The following AFF4 variants were observed in gnomAD, a reference collection of about 807,000 sequenced individuals.
AFF4 encodes ALF transcription elongation factor 4.
In AFF4, 13 loss-of-function variants were observed where a neutral mutation model predicts 124.8. That is an observed-to-expected ratio of 0.10 (90% confidence interval 0.07 to 0.17). The LOEUF is 0.17. Ranked by LOEUF, AFF4 falls within the 10% of genes least tolerant of loss-of-function variation. AFF4 has a pLI of 1.00. For missense variants in AFF4, 1,092 were observed against 1,403.8 expected (o/e 0.78, Z 3.55); for synonymous variants, 477 against 496.1 (o/e 0.96, Z 0.51).
At chr5:132,928,761 G>T (rs1454071833) in intron 4 of AFF4, among the ~76,000 whole-genome samples, 2 of 152,154 alleles carry the variant, frequency 1.3e-5, no homozygotes, top group South Asian at 2.1e-4. Context: ...ATCAGTCTAC[G>T]TCCTAGTTAA....
At chr5:132,899,554 G>A in intron 8 of AFF4, 33 bp downstream of exon 8, 2 of 1,572,132 alleles carry the variant, frequency 1.3e-6, no homozygotes, top group South Asian at 1.2e-5. Context: ...AATACTATAT[G>A]AGACTGGCAA....
intron 5 of AFF4, among the ~76,000 whole-genome samples, chr5:132,921,126 C>CA (rs57115662): frequency 0.016 from 1,371 of 87,572 alleles, 20 homozygotes; most frequent in African/African-American, 0.052. Flanking sequence ...GACTCTGTCA[C>CA]AAAAAAAAAA....
chr5:132,927,517 G>A (rs1468316905), intron 4 of AFF4: 1 of 272,044 alleles, frequency 3.7e-6, no homozygotes, highest in Non-Finnish European at 6.9e-6. Context: ...GAGCTTGCTA[G>A]GAGAGTGGGA....
intron 5 of AFF4, among the ~76,000 whole-genome samples, chr5:132,912,545 G>C (rs1287965496): frequency 6.6e-6 from 1 of 151,892 alleles, no homozygotes; most frequent in East Asian, 1.9e-4. Flanking sequence ...ATTTTTTGTA[G>C]AGACAGGGTC....
At chr5:132,892,802 C>T (rs1760296319) in intron 12 of AFF4, among the ~76,000 whole-genome samples, 1 of 152,098 alleles carries the variant, frequency 6.6e-6, no homozygotes, top group Admixed American at 6.6e-5. Context: ...CATACTCACC[C>T]CTACCCCAAT....
At chr5:132,928,469 C>T (rs912621097) in intron 4 of AFF4, among the ~76,000 whole-genome samples, 2 of 152,138 alleles carry the variant, frequency 1.3e-5, no homozygotes, top group African/African-American at 4.8e-5. Flanking sequence ...ATTTCAAAAA[C>T]AATTATGTAA....
intron 5 of AFF4, among the ~76,000 whole-genome samples, chr5:132,925,440 GAT>G (rs1489246813): frequency 6.6e-6 from 1 of 151,852 alleles, no homozygotes; most frequent in Admixed American, 6.6e-5. Context: ...GGAAGAGAAA[GAT>G]ATATTTTATT....
chr5:132,899,873 A>T (rs1419414896), intron 7 of AFF4, among the ~76,000 whole-genome samples: 1 of 152,208 alleles, frequency 6.6e-6, no homozygotes, highest in Non-Finnish European at 1.5e-5. Context: ...TAAAATATTC[A>T]CCTTTTCTAA....
At chr5:132,943,671 TG>T in intron 1 of AFF4, 1 of 238,466 alleles carries the variant, frequency 4.2e-6, no homozygotes, top group Non-Finnish European at 9.2e-6. Flanking sequence ...CTGGGAACAA[TG>T]GGGGCTTCAA....
At position 132,963,586 on chromosome 5, in the gene AFF4, T is replaced by G; in HGVS notation, c.-332A>C. 2.5e-6 allele frequency: 1 copy of G among 397,544 alleles called. No individual in the cohort carries two copies. Among genetic ancestry groups the G allele is most frequent in the East Asian group, 3.6e-5 (1 of 28,008 alleles). 24.6% of individuals were successfully genotyped at this position (397,544 alleles called of 1,614,324 possible). On this transcript the variant is annotated 5_prime_UTR_variant, in exon 1 of 21. Transcript: ENST00000265343. The stretch of plus-strand genomic sequence containing the variant: ...GCACCAGGATCCCCGCCCCGTCCGC[T>G]GGCGGCGGCGACGGCAGCTGGACTC...
chr5:132,941,251 T>C (rs952465396), intron 1 of AFF4, among the ~76,000 whole-genome samples: 2 of 152,182 alleles, frequency 1.3e-5, no homozygotes, highest in Non-Finnish European at 2.9e-5. Flanking sequence ...AATGAGTCAA[T>C]CTGAAGTATA....
intron 1 of AFF4, among the ~76,000 whole-genome samples, chr5:132,959,757 C>CTTTT (rs1163731664): frequency 0.021 from 1,524 of 71,500 alleles, 103 homozygotes; most frequent in African/African-American, 0.047. Flanking sequence ...GAGTGCTTTT[C>CTTTT]TTTTTTTTTT....
Position 132,955,777 on chromosome 5 carries a change from C to CAAAA in AFF4, c.-5+7478_-5+7481dup, listed in dbSNP as rs1214913729. On this transcript the variant is annotated intron_variant, in intron 1 of 20. Transcript: ENST00000265343. ...TGGGTGATAGAGTGAGATTCCATCTCAAAAAAAAAAAAAAAAAAATATATA... is the reference window on the plus strand; with the variant it reads ...TGGGTGATAGAGTGAGATTCCATCTCAAAAAAAAAAAAAAAAAAAAAAATATATA... Among the ~76,000 whole-genome samples the CAAAA allele has an allele frequency of 1.4e-3, 99 of 71,194 alleles. 2 individuals carry two copies. The highest frequency in any genetic ancestry group is 4.6e-3 in the African/African-American group (82 of 17,786). The allele number at this position is 71,194 out of a possible 152,430, so 46.7% of individuals were successfully genotyped here. A position where few individuals can be genotyped will look rare whatever the true frequency, so the allele number is the denominator to read the frequency against.
At chr5:132,891,861 A>G (rs185085096) in intron 13 of AFF4, 199 of 470,332 alleles carry the variant, frequency 4.2e-4, no homozygotes, top group Non-Finnish European at 6.3e-4. Context: ...CACATTGCCC[A>G]GGCTGGACTC....
intron 4 of AFF4, among the ~76,000 whole-genome samples, chr5:132,928,921 A>G (rs1761240781): frequency 6.6e-6 from 1 of 152,182 alleles, no homozygotes; most frequent in Non-Finnish European, 1.5e-5. Flanking sequence ...ACTTCCTGAA[A>G]TAATATTATG....
rs1760787640 is a variant in AFF4 at position 132,911,365 on chromosome 5, G to C, written c.1051-6961C>G. 2.0e-5 allele frequency among the ~76,000 whole-genome samples: 3 copies of C among 152,032 alleles called. No individual in the cohort carries two copies. In the South Asian group the frequency reaches 6.2e-4, roughly 32 times the overall value. On this transcript the variant is annotated intron_variant, in intron 5 of 20. Coordinates refer to ENST00000265343, the MANE Select transcript of AFF4 (RefSeq NM_014423.4). ...TCTCATGCCAGGAACATAGTAAGAA[G>C]TTAATAAATATCTGTTTAATTAATA... is the stretch of plus-strand genomic sequence containing the variant.
At chr5:132,927,349 A>G (rs1761195387) in intron 4 of AFF4, 142 bp from the exon 5 acceptor site, 2 of 678,012 alleles carry the variant, frequency 2.9e-6, no homozygotes, top group East Asian at 5.7e-5. Flanking sequence ...AATATTAAGC[A>G]CAATTGTGTG....
intron 13 of AFF4, 73 bp from the exon 14 acceptor site, chr5:132,889,246 G>T: frequency 1.9e-6 from 2 of 1,070,386 alleles, no homozygotes; most frequent in Non-Finnish European, 2.7e-6. Context: ...CATTTCTTCA[G>T]CCACTGGTAA....
Position 132,892,270 on chromosome 5 carries a change from C to T in AFF4, c.2531G>A (p.Ser844Asn), listed in dbSNP as rs1387186624. 2 of 1,614,096 alleles carry T rather than the reference C, an allele frequency of 1.2e-6. No homozygotes were observed. The highest frequency in any genetic ancestry group is 8.5e-7 in the Non-Finnish European group (1 of 1,180,034). Residue 844 changes from serine to asparagine, a missense_variant, in exon 13 of 21, where the codon AGC (serine) becomes AAC (asparagine). Physicochemically the swap from Ser to Asn is conservative, Grantham distance 46. Around this residue, in one of 11 missense-constraint regions of AFF4, gnomAD observed 293 missense variants for 280.2 expected, o/e 1.05. Transcript: ENST00000265343. ...TISQSSSLKS[S>N]SNSNKETSGS... ...ACTCGTCTCCTTGTTGCTGTTACTG[C>T]TTGACTTTAAGGAAGAAGACTGACT...
Sources: allele counts gnomAD v4.1 joint callset (sites outside exome capture counted in the v4.1 genomes callset), GRCh38; gene constraint gnomAD v4.1.1; regional missense constraint gnomAD v4.1.1; transcripts MANE v1.5; gene names NCBI Gene and HGNC (gene_info 2026-07-23, HGNC 2026-07-21).